MGRN1: variants seen among roughly 807,000 people sequenced by gnomAD.
MGRN1 encodes mahogunin ring finger 1, also known as E3 ubiquitin-protein ligase MGRN1.
A neutral mutation model predicts 69.2 loss-of-function variants in MGRN1; 29 were observed. The observed-to-expected ratio is 0.42, with a 90% CI of 0.31 to 0.57. The LOEUF (loss-of-function observed/expected upper bound fraction) is 0.57. Among genes scored for constraint, MGRN1 ranks in the 20% least tolerant of loss-of-function variants. MGRN1 has a pLI of 0.15. For synonymous variants in MGRN1, 470 were observed against 344.2 expected, an observed-to-expected ratio of 1.37 and a Z score of -4.04; for missense variants, 998 against 796.2, an observed-to-expected ratio of 1.25 and a Z score of -3.05.
intron 1 of MGRN1, among the ~76,000 whole-genome samples, chr16:4,627,851 C>T (rs1297039579): frequency 6.6e-6 from 1 of 150,846 alleles, no homozygotes; most frequent in African/African-American, 2.5e-5. Context: ...GAGGCTGAGG[C>T]AGGTGGATCA....
chr16:4,683,137 C>CG, intron 14 of MGRN1, 87 bp from the exon 15 acceptor site: 1 of 1,568,864 alleles, frequency 6.4e-7, no homozygotes, highest in Non-Finnish European at 8.7e-7. Context: ...TGTGCGGTCC[C>CG]GGGAGGGCCG....
At chr16:4,686,829 G>T in intron 16 of MGRN1, 4 of 986,844 alleles carry the variant, frequency 4.1e-6, no homozygotes, top group Non-Finnish European at 4.8e-6. Flanking sequence ...CCCGTGTTCC[G>T]GTCGTGGCTT....
At chr16:4,665,249 G>A (rs1340460249) in intron 7 of MGRN1, 98 bp downstream of exon 7, 9 of 1,370,822 alleles carry the variant, frequency 6.6e-6, no homozygotes, top group Non-Finnish European at 9.2e-6. Flanking sequence ...GGGGCTTGGT[G>A]GGGTGGCTGA....
chr16:4,637,118 C>CAAAAA (rs36033548), intron 1 of MGRN1, among the ~76,000 whole-genome samples: 70 of 48,480 alleles, frequency 1.4e-3, no homozygotes, highest in African/African-American at 5.0e-3. Flanking sequence ...GACTCCATCT[C>CAAAAA]AAAAAAAAAA....
Position 4,657,282 on chromosome 16 carries a change from C to A in MGRN1, c.480C>A (p.Thr160=), listed in dbSNP as rs369316146. 6.2e-6 allele frequency: 10 copies of A among 1,614,052 alleles called. No individual in the cohort carries two copies. The Admixed American group carries it at 1.5e-4, about 24-fold the overall frequency. ...SPKSPSLQSE[T]VHYKRGVSQQ... is the part of the protein sequence containing the mutation. ...AGAGCCCCTCGCTACAGTCCGAGAC[C>A]GTCCACTACAAGAGAGGGGTGAGCC... Residue 160 remains threonine (T), a synonymous_variant, in exon 5 of 17, where the codon ACC becomes ACA. Transcript: ENST00000262370.
intron 10 of MGRN1, among the ~76,000 whole-genome samples, chr16:4,674,835 T>A (rs2079021636): frequency 6.7e-6 from 1 of 148,988 alleles, no homozygotes; most frequent in Non-Finnish European, 1.5e-5. Context: ...AGAGACGGGG[T>A]TTCACCTTGT....
At chr16:4,643,220 A>G (rs1250265815) in intron 1 of MGRN1, among the ~76,000 whole-genome samples, 2 of 151,920 alleles carry the variant, frequency 1.3e-5, no homozygotes, top group African/African-American at 4.8e-5. Context: ...TCGGCCTCCC[A>G]GAGCACTGGG....
chr16:4,664,317 C>G (rs1229902077), intron 5 of MGRN1: 1 of 291,222 alleles, frequency 3.4e-6, no homozygotes, highest in African/African-American at 2.2e-5. Flanking sequence ...TGGCAAATCC[C>G]TGGAGACAGG....
intron 1 of MGRN1, among the ~76,000 whole-genome samples, chr16:4,642,421 C>T (rs1476971724): frequency 2.0e-5 from 3 of 151,798 alleles, no homozygotes; most frequent in East Asian, 3.9e-4. Flanking sequence ...CCTCAGCCTT[C>T]TGAGTAGCTG....
rs779366047 is a variant in MGRN1, at chr16:4,673,637, A to G, written c.935A>G (p.Asn312Ser). The change falls in exon 10 of 17, where the codon AAC (asparagine) becomes AGC (serine). Residue 312 changes from asparagine to serine, a missense_variant. Asn to Ser is a conservative substitution (Grantham distance 46). Transcript: ENST00000262370. The part of the protein sequence containing the change: ...CADTLRYQAN[N>S]CPICRLPFRA... ...GACACGCTGCGCTACCAGGCCAACA[A>G]CTGCCCCATCTGCCGGCTGCGTGAG... is the stretch of plus-strand genomic sequence containing the variant. The G allele has an allele frequency of 6.2e-7, 1 of 1,613,312 alleles. No individual in the cohort carries two copies. The highest frequency in any genetic ancestry group is 8.5e-7 in the Non-Finnish European group (1 of 1,179,814).
rs1434248779 is a variant in MGRN1, at chr16:4,681,603, C to T, written c.1185C>T (p.Leu395=). ...GYEPISLLEA[L]NGLRAVSPAI... is the part of the protein sequence containing the mutation. ...AGCCCATCTCGCTGCTCGAGGCGCT[C>T]AACGGCCTCCGGGCTGTCTCCCCGG... Residue 395 remains leucine, a synonymous_variant, in exon 13 of 17, where the codon CTC becomes CTT. Coordinates refer to ENST00000262370, the MANE Select transcript of MGRN1 (RefSeq NM_015246.4). 6.2e-7 allele frequency: 1 copy of T among 1,613,434 alleles called. No individual in the cohort carries two copies. Among genetic ancestry groups the T allele is most frequent in the East Asian group, 2.2e-5 (1 of 44,896 alleles).
At chr16:4,630,032 C>T (rs1567165513) in intron 1 of MGRN1, among the ~76,000 whole-genome samples, 1 of 116,280 alleles carries the variant, frequency 8.6e-6, no homozygotes, top group African/African-American at 3.5e-5. Flanking sequence ...CCTGGGCAAA[C>T]AGTGAGACAC....
chr16:4,680,579 C>T lies in MGRN1; in HGVS notation c.1131+482C>T, dbSNP rs187475610. 8.9e-3 allele frequency: 1,418 copies of T among 159,924 alleles called. 9 individuals carry two copies. The highest frequency in any genetic ancestry group is 0.012 in the Non-Finnish European group (892 of 72,726). 9.9% of individuals were successfully genotyped at this position (159,924 alleles called of 1,614,324 possible). Reference sequence around the variant, plus strand: ...CCAGCACACAACCACCTGGAGCCTCCGTGGCCCAGGCAGACCCAGCCGAAA... The same window carrying T: ...CCAGCACACAACCACCTGGAGCCTCTGTGGCCCAGGCAGACCCAGCCGAAA... On this transcript the variant is annotated intron_variant, in intron 12 of 16. Coordinates refer to ENST00000262370, the MANE Select transcript of MGRN1 (RefSeq NM_015246.4).
At chr16:4,641,717 C>G (rs1043245499) in intron 1 of MGRN1, among the ~76,000 whole-genome samples, 10 of 151,994 alleles carry the variant, frequency 6.6e-5, no homozygotes, top group African/African-American at 2.4e-4. Context: ...GGGAGTTTCT[C>G]CATGTTGGTC....
intron 16 of MGRN1, chr16:4,687,670 C>T: frequency 1.0e-6 from 1 of 985,180 alleles, no homozygotes; most frequent in Non-Finnish European, 1.2e-6. Flanking sequence ...GGATTGGGGA[C>T]CCTCTGCCTT....
intron 9 of MGRN1, chr16:4,672,535 C>T (rs2078962051): frequency 2.2e-6 from 1 of 444,918 alleles, no homozygotes; most frequent in African/African-American, 2.0e-5. Context: ...ATTCATGTTT[C>T]ATACCAGGGG....
Position 4,650,349 on chromosome 16 carries a change from T to A in MGRN1, c.89-16T>A, listed in dbSNP as rs2078377587. ...AAAAAAAAAAAATCTATAATCGTGTTTCCTTTTTTAAACAGGAAACTACTT... is the reference window on the plus strand; with the variant it reads ...AAAAAAAAAAAATCTATAATCGTGTATCCTTTTTTAAACAGGAAACTACTT... On this transcript the variant is annotated splice_polypyrimidine_tract_variant and intron_variant, in intron 1 of 16. Transcript: ENST00000262370. 1 of 1,577,584 alleles carries A rather than the reference T, an allele frequency of 6.3e-7. No individual in the cohort carries two copies. The highest frequency in any genetic ancestry group is 1.9e-5 in the Admixed American group (1 of 52,974).
intron 11 of MGRN1, among the ~76,000 whole-genome samples, chr16:4,678,515 A>G (rs985296656): frequency 6.6e-6 from 1 of 151,810 alleles, no homozygotes. Flanking sequence ...AGATAGGAAG[A>G]GACAGACAGA....
intron 11 of MGRN1, 33 bp downstream of exon 11, chr16:4,677,605 G>A: frequency 6.3e-7 from 1 of 1,587,698 alleles, no homozygotes; most frequent in South Asian, 1.1e-5. Flanking sequence ...GGGATGGGCG[G>A]GAGAGGGGCA....
Sources: allele counts gnomAD v4.1 joint callset (sites outside exome capture counted in the v4.1 genomes callset), GRCh38; gene constraint gnomAD v4.1.1; transcripts MANE v1.5; gene names NCBI Gene and HGNC (gene_info 2026-07-23, HGNC 2026-07-21).